Variants in GNG12 observed in about 807,000 individuals in gnomAD.
The protein encoded by GNG12 is G protein subunit gamma 12.
For missense variants in GNG12, 69 were observed against 83.8 expected, an observed-to-expected ratio of 0.82 and a Z score of 0.69; for synonymous variants, 28 against 29.7, an observed-to-expected ratio of 0.94 and a Z score of 0.19.
At chr1:67,793,956 C>T (rs1646815649) in intron 1 of GNG12, among the ~76,000 whole-genome samples, 1 of 152,274 alleles carries the variant, frequency 6.6e-6, no homozygotes, top group South Asian at 2.1e-4. Flanking sequence ...AATTCGTTTA[C>T]TCTTTTCTTT....
chr1:67,731,934 G>A (rs1397591912), intron 2 of GNG12, among the ~76,000 whole-genome samples: 1 of 152,144 alleles, frequency 6.6e-6, no homozygotes, highest in Non-Finnish European at 1.5e-5. Flanking sequence ...TGGTTTCAGT[G>A]CGAGCATGCT....
chr1:67,709,904 TTATATAGTTATATATATAGTTATA>T (rs1168565169), intron 2 of GNG12, among the ~76,000 whole-genome samples: 2 of 66,630 alleles, frequency 3.0e-5, no homozygotes, highest in East Asian at 7.1e-4. Context: ...ATATATATTT[TTATATAGTTATATATATAGTTATA>T]TATATAGTTA....
chr1:67,782,782 A>G (rs568638901), intron 1 of GNG12, among the ~76,000 whole-genome samples: 3 of 152,346 alleles, frequency 2.0e-5, no homozygotes, highest in African/African-American at 7.2e-5. Flanking sequence ...TTTTGTACTG[A>G]AAGGACAATG....
chr1:67,785,378 C>T (rs1241525257), intron 1 of GNG12, among the ~76,000 whole-genome samples: 1 of 152,152 alleles, frequency 6.6e-6, no homozygotes, highest in Admixed American at 6.5e-5. Flanking sequence ...AAAAATACCA[C>T]TTCTTCTCCC....
At chr1:67,717,973 T>C (rs954569116) in intron 2 of GNG12, among the ~76,000 whole-genome samples, 9 of 152,068 alleles carry the variant, frequency 5.9e-5, no homozygotes, top group South Asian at 4.2e-4. Flanking sequence ...CCTTAAAGAG[T>C]TGTTACAGGA....
At chr1:67,775,023 T>C (rs1236975159) in intron 2 of GNG12, among the ~76,000 whole-genome samples, 1 of 152,236 alleles carries the variant, frequency 6.6e-6, no homozygotes, top group African/African-American at 2.4e-5. Flanking sequence ...TTGTTGCTGT[T>C]ATTGTTAATC....
intron 2 of GNG12, among the ~76,000 whole-genome samples, chr1:67,732,528 C>T (rs150324993): frequency 3.0e-4 from 45 of 152,292 alleles, no homozygotes; most frequent in African/African-American, 8.7e-4. Context: ...CAAGAAAGAA[C>T]AAAACACTCC....
chr1:67,790,032 T>G (rs775460874), intron 1 of GNG12, among the ~76,000 whole-genome samples: 1 of 152,246 alleles, frequency 6.6e-6, no homozygotes, highest in East Asian at 1.9e-4. Context: ...ATACAGATTC[T>G]AAGGACTTGC....
At chr1:67,723,595 C>A (rs991970098) in intron 2 of GNG12, among the ~76,000 whole-genome samples, 1 of 152,140 alleles carries the variant, frequency 6.6e-6, no homozygotes, top group Admixed American at 6.5e-5. Flanking sequence ...ACTTGCCAAG[C>A]ATTGTTCTAA....
At chr1:67,788,005 T>C (rs575191144) in intron 1 of GNG12, among the ~76,000 whole-genome samples, 1 of 152,298 alleles carries the variant, frequency 6.6e-6, no homozygotes, top group South Asian at 2.1e-4. Context: ...GGCAATGGGA[T>C]TTATGACACA....
At chr1:67,715,364 C>T (rs942940566) in intron 2 of GNG12, among the ~76,000 whole-genome samples, 1 of 152,146 alleles carries the variant, frequency 6.6e-6, no homozygotes, top group Non-Finnish European at 1.5e-5. Context: ...TTTGTTATGG[C>T]GTTCCTAGCA....
chr1:67,768,484 GA>G (rs1180151942), intron 2 of GNG12, among the ~76,000 whole-genome samples: 2 of 152,156 alleles, frequency 1.3e-5, no homozygotes, highest in Admixed American at 1.3e-4. Context: ...ACAGGCTGAG[GA>G]ATGGGGCTAG....
At chr1:67,775,272 T>A (rs1646698238) in intron 2 of GNG12, among the ~76,000 whole-genome samples, 1 of 152,196 alleles carries the variant, frequency 6.6e-6, no homozygotes, top group Non-Finnish European at 1.5e-5. Context: ...GAAGACTGAG[T>A]TAGTAAGGTT....
chr1:67,734,157 T>C (rs1324999946), intron 2 of GNG12, among the ~76,000 whole-genome samples: 1 of 151,818 alleles, frequency 6.6e-6, no homozygotes, highest in East Asian at 1.9e-4. Flanking sequence ...GTGTTATTCC[T>C]GACTCAAGGG....
At chr1:67,798,503 T>A (rs1353026002) in intron 1 of GNG12, among the ~76,000 whole-genome samples, 1 of 152,126 alleles carries the variant, frequency 6.6e-6, no homozygotes, top group Non-Finnish European at 1.5e-5. Context: ...GAAATTATGA[T>A]GTATTTCCAT....
chr1:67,822,815 A>C, intron 1 of GNG12, among the ~76,000 whole-genome samples: 1 of 152,198 alleles, frequency 6.6e-6, no homozygotes, highest in Non-Finnish European at 1.5e-5. Context: ...TTCCAAAAAC[A>C]AAGCCACTGC....
chr1:67,826,422 C>T (rs967160306), intron 1 of GNG12, among the ~76,000 whole-genome samples: 1 of 152,204 alleles, frequency 6.6e-6, no homozygotes, highest in African/African-American at 2.4e-5. Context: ...ACCTGTATAA[C>T]AGTTCAAGGT....
chr1:67,786,322 C>T (rs1042923060), intron 1 of GNG12, among the ~76,000 whole-genome samples: 14 of 152,176 alleles, frequency 9.2e-5, no homozygotes, highest in Non-Finnish European at 1.5e-4. Context: ...TTAGCTGTTT[C>T]GTGTCTATTT....
In GNG12 at chr1:67,701,895, A is replaced by T. The variant is rs1646217324; in HGVS notation, c.*3556T>A. 1 of 152,634 alleles carries T rather than the reference A, an allele frequency of 6.6e-6. No individual in the cohort carries two copies. The highest frequency in any genetic ancestry group is 2.4e-5 in the African/African-American group (1 of 41,452). 9.5% of individuals were successfully genotyped at this position (152,634 alleles called of 1,614,324 possible). ...ATGAACAAACATTATAGATAAACCAATTTTATATCTGAAGCAGCTTATAGC... is the reference window on the plus strand; with the variant it reads ...ATGAACAAACATTATAGATAAACCATTTTTATATCTGAAGCAGCTTATAGC... On this transcript the variant is annotated 3_prime_UTR_variant, in exon 4 of 4. Coordinates refer to ENST00000370982, the MANE Select transcript of GNG12 (RefSeq NM_018841.6).
Sources: gnomAD v4.1 joint callset for allele counts (sites outside exome capture counted in the v4.1 genomes callset) on GRCh38, gnomAD v4.1.1 for gene constraint, MANE v1.5 for transcripts, NCBI Gene and HGNC (gene_info 2026-07-23, HGNC 2026-07-21) for gene names.